The following OPCML variants were observed in gnomAD, a reference collection of about 807,000 sequenced individuals.
The protein encoded by OPCML is opioid-binding protein/cell adhesion molecule.
A neutral mutation model predicts 37.8 loss-of-function variants in OPCML; 13 were observed. The observed-to-expected ratio is 0.34, with a 90% CI of 0.22 to 0.55. The LOEUF (loss-of-function observed/expected upper bound fraction) is 0.55, where lower values mean the gene tolerates loss of function less well. Among genes scored for constraint, OPCML ranks in the 20% least tolerant of loss-of-function variants. The pLI is 0.91. For synonymous variants in OPCML, 176 were observed against 168.8 expected, an observed-to-expected ratio of 1.04 and a Z score of -0.33; for missense variants, 341 against 435.6, an observed-to-expected ratio of 0.78 and a Z score of 1.93.
chr11:133,123,398 C>T (rs768917653), intron 1 of OPCML, among the ~76,000 whole-genome samples: 11 of 152,158 alleles, frequency 7.2e-5, no homozygotes, highest in East Asian at 1.9e-4. Context: ...TATTTAGATG[C>T]GTATTTGCTG....
chr11:133,222,798 TG>T (rs1939892189), intron 1 of OPCML, among the ~76,000 whole-genome samples: 1 of 129,792 alleles, frequency 7.7e-6, no homozygotes, highest in African/African-American at 2.9e-5. Flanking sequence ...TGCGTGGAGG[TG>T]GGGGGAGCAA....
At chr11:133,076,752 A>G (rs1948627339) in intron 1 of OPCML, among the ~76,000 whole-genome samples, 1 of 152,088 alleles carries the variant, frequency 6.6e-6, no homozygotes, top group African/African-American at 2.4e-5. Flanking sequence ...AGCTCAGAGA[A>G]GCTAAGTGAC....
At chr11:132,478,197 T>C (rs1400206385) in intron 4 of OPCML, among the ~76,000 whole-genome samples, 1 of 152,212 alleles carries the variant, frequency 6.6e-6, no homozygotes, top group South Asian at 2.1e-4. Context: ...TAGAATCAAA[T>C]ACCAATTGTT....
At chr11:133,223,754 T>C (rs1283171640) in intron 1 of OPCML, among the ~76,000 whole-genome samples, 1 of 152,262 alleles carries the variant, frequency 6.6e-6, no homozygotes, top group African/African-American at 2.4e-5. Context: ...AATGCATCTC[T>C]GCCTTACCTT....
chr11:133,427,021 T>G (rs1946016961), intron 1 of OPCML, among the ~76,000 whole-genome samples: 1 of 152,186 alleles, frequency 6.6e-6, no homozygotes, highest in African/African-American at 2.4e-5. Flanking sequence ...GAGGCAAAAC[T>G]AGCAGAAGTA....
intron 2 of OPCML, among the ~76,000 whole-genome samples, chr11:132,669,179 G>A (rs1188205347): frequency 1.7e-4 from 26 of 152,090 alleles, no homozygotes; most frequent in African/African-American, 5.1e-4. Context: ...CCTTTTCTTG[G>A]ACAGCGTCAG....
chr11:133,288,329 A>G (rs7925222), intron 1 of OPCML, among the ~76,000 whole-genome samples: 54,895 of 152,030 alleles, frequency 0.36, 11,284 homozygotes, highest in East Asian at 0.75. Context: ...TCCTGCTGGG[A>G]TCTCTTCCAC....
At chr11:133,388,724 TCTTACTCTCTGACTGAGAATATC>T (rs1253015563) in intron 1 of OPCML, among the ~76,000 whole-genome samples, 1 of 152,210 alleles carries the variant, frequency 6.6e-6, no homozygotes, top group Non-Finnish European at 1.5e-5. Flanking sequence ...CATGTGTCAT[TCTTACTCTCTGACTGAGAATATC>T]ACCTTAATTG....
chr11:133,330,279 G>A (rs1314706851), intron 1 of OPCML, among the ~76,000 whole-genome samples: 6 of 152,170 alleles, frequency 3.9e-5, no homozygotes, highest in East Asian at 1.9e-4. Context: ...TCAGTGTGGC[G>A]ATTCCTCAGG....
At chr11:132,509,640 T>G (rs1005723486) in intron 4 of OPCML, among the ~76,000 whole-genome samples, 1 of 152,152 alleles carries the variant, frequency 6.6e-6, no homozygotes, top group African/African-American at 2.4e-5. Flanking sequence ...CTTCAGAGGG[T>G]GGAAATCCCA....
At chr11:133,306,133 G>T (rs907966198) in intron 1 of OPCML, among the ~76,000 whole-genome samples, 10 of 152,222 alleles carry the variant, frequency 6.6e-5, no homozygotes, top group African/African-American at 2.4e-4. Flanking sequence ...GCCCTAACTG[G>T]CATACATCAG....
At chr11:132,744,621 ATG>A (rs1282537520) in intron 2 of OPCML, among the ~76,000 whole-genome samples, 9 of 152,244 alleles carry the variant, frequency 5.9e-5, no homozygotes, top group Admixed American at 3.9e-4. Context: ...GGCATTGAGC[ATG>A]TGTTATGCAT....
At chr11:133,192,478 C>G (rs1314247881) in intron 1 of OPCML, among the ~76,000 whole-genome samples, 1 of 152,232 alleles carries the variant, frequency 6.6e-6, no homozygotes, top group African/African-American at 2.4e-5. Context: ...TTCAGCAATT[C>G]TATTACCCTT....
intron 1 of OPCML, among the ~76,000 whole-genome samples, chr11:133,399,620 C>T (rs1945359190): frequency 6.6e-6 from 1 of 152,056 alleles, no homozygotes; most frequent in Non-Finnish European, 1.5e-5. Flanking sequence ...CCCCTCTATC[C>T]ACTCCTCTGG....
chr11:132,797,732 A>G (rs1185281337), intron 2 of OPCML, among the ~76,000 whole-genome samples: 2 of 152,234 alleles, frequency 1.3e-5, no homozygotes, highest in Non-Finnish European at 2.9e-5. Flanking sequence ...AGAAAAGAAA[A>G]CATAAATAAG....
chr11:132,836,112 G>A (rs1940986535), intron 2 of OPCML, among the ~76,000 whole-genome samples: 2 of 152,258 alleles, frequency 1.3e-5, no homozygotes, highest in South Asian at 4.2e-4. Flanking sequence ...TTAACAGTGA[G>A]AACATAAACG....
At chr11:133,484,963 A>G (rs1473932354) in intron 1 of OPCML, among the ~76,000 whole-genome samples, 1 of 152,162 alleles carries the variant, frequency 6.6e-6, no homozygotes, top group Non-Finnish European at 1.5e-5. Context: ...ATAAATCTTC[A>G]TAGCAAAAAC....
At chr11:133,053,776 G>A (rs1031643336) in intron 1 of OPCML, among the ~76,000 whole-genome samples, 4 of 152,000 alleles carry the variant, frequency 2.6e-5, no homozygotes, top group Admixed American at 6.6e-5. Flanking sequence ...CACTGAGTTC[G>A]TGCCCAGGAA....
At chr11:133,276,751 A>G (rs1942005370) in intron 1 of OPCML, among the ~76,000 whole-genome samples, 1 of 152,138 alleles carries the variant, frequency 6.6e-6, no homozygotes, top group Non-Finnish European at 1.5e-5. Flanking sequence ...CCATGATGCC[A>G]ATTCTATTAG....
Sources: gnomAD v4.1 joint callset for allele counts (sites outside exome capture counted in the v4.1 genomes callset) on GRCh38, gnomAD v4.1.1 for gene constraint, MANE v1.5 for transcripts, NCBI Gene and HGNC (gene_info 2026-07-23, HGNC 2026-07-21) for gene names.